The following DKK2 variants were observed in gnomAD, a reference collection of about 807,000 sequenced individuals.
DKK2 encodes dickkopf-related protein 2.
Under a neutral mutation model 28.1 loss-of-function variants are expected in DKK2, and 11 were observed. The observed-to-expected ratio is 0.39, with a 90% CI of 0.25 to 0.65. The LOEUF is 0.65. DKK2 is among the 30% of genes least tolerant of loss of function. The pLI is 0.47. For synonymous variants in DKK2, 135 were observed against 126.5 expected (o/e 1.07, Z -0.45); for missense variants, 326 against 335.5 (o/e 0.97, Z 0.22).
At chr4:107,004,837 A>T (rs1255293867) in intron 1 of DKK2, among the ~76,000 whole-genome samples, 1 of 152,166 alleles carries the variant, frequency 6.6e-6, no homozygotes, top group Non-Finnish European at 1.5e-5. Context: ...AGATGTTGCT[A>T]AGGGAGGAAG....
In DKK2 at chr4:107,035,673, C is replaced by T. The variant is rs116332728; in HGVS notation, c.-82G>A. On this transcript the variant is annotated 5_prime_UTR_variant, in exon 1 of 4. Coordinates refer to ENST00000285311, the MANE Select transcript of DKK2 (RefSeq NM_014421.3). ...GGGAGGGAGGACCCCAACACGGGGCCCCTCACTTGGGTCGCGGGGGCTTGC... is the reference window on the plus strand; with the variant it reads ...GGGAGGGAGGACCCCAACACGGGGCTCCTCACTTGGGTCGCGGGGGCTTGC... 2.5e-3 allele frequency: 3,715 copies of T among 1,488,774 alleles called. 74 individuals carry two copies. The African/African-American group carries it at 0.043, about 17-fold the overall frequency. 92.2% of individuals were successfully genotyped at this position (1,488,774 alleles called of 1,614,324 possible).
intron 1 of DKK2, among the ~76,000 whole-genome samples, chr4:106,930,362 GT>G: frequency 6.6e-6 from 1 of 152,248 alleles, no homozygotes. Flanking sequence ...TACATTTAGG[GT>G]TGAATTAATT....
intron 1 of DKK2, among the ~76,000 whole-genome samples, chr4:106,985,680 G>A (rs1287402295): frequency 6.6e-6 from 1 of 151,614 alleles, no homozygotes; most frequent in Non-Finnish European, 1.5e-5. Context: ...ATGGTGGCGG[G>A]CGCCTGTAAT....
At chr4:107,030,386 T>C (rs547675349) in intron 1 of DKK2, among the ~76,000 whole-genome samples, 2 of 152,176 alleles carry the variant, frequency 1.3e-5, no homozygotes, top group Non-Finnish European at 1.5e-5. Context: ...TTCTGTGTAA[T>C]CTTAAAGCGA....
chr4:106,992,122 C>G (rs1425232901), intron 1 of DKK2, among the ~76,000 whole-genome samples: 1 of 152,126 alleles, frequency 6.6e-6, no homozygotes, highest in Non-Finnish European at 1.5e-5. Flanking sequence ...AAGCTTATAT[C>G]TGGTGAACAG....
chr4:106,936,764 T>C (rs2110342058), intron 1 of DKK2, among the ~76,000 whole-genome samples: 1 of 152,154 alleles, frequency 6.6e-6, no homozygotes, highest in Non-Finnish European at 1.5e-5. Flanking sequence ...TAACAGCGGA[T>C]CTCTCAGCAG....
At chr4:106,947,680 T>TC (rs1334519390) in intron 1 of DKK2, among the ~76,000 whole-genome samples, 2 of 151,444 alleles carry the variant, frequency 1.3e-5, no homozygotes, top group African/African-American at 4.8e-5. Context: ...TCTTTCTTTT[T>TC]TTTTTTTTTT....
At chr4:107,012,694 G>A (rs1723533674) in intron 1 of DKK2, among the ~76,000 whole-genome samples, 1 of 151,226 alleles carries the variant, frequency 6.6e-6, no homozygotes, top group South Asian at 2.1e-4. Context: ...CATTCTCTAA[G>A]GTCCAAGTTC....
intron 1 of DKK2, among the ~76,000 whole-genome samples, chr4:107,034,862 A>G (rs1318488923): frequency 6.6e-6 from 1 of 152,174 alleles, no homozygotes; most frequent in African/African-American, 2.4e-5. Context: ...TGCCACTTAT[A>G]CTAGCTGTGT....
intron 1 of DKK2, among the ~76,000 whole-genome samples, chr4:107,006,051 T>A (rs1022305869): frequency 1.3e-5 from 2 of 152,168 alleles, no homozygotes. Context: ...GGGTAAAAAC[T>A]AATCATTACT....
chr4:106,983,028 GAAGA>G (rs1408772674), intron 1 of DKK2, among the ~76,000 whole-genome samples: 1 of 131,604 alleles, frequency 7.6e-6, no homozygotes, highest in Non-Finnish European at 1.7e-5. Flanking sequence ...AAGGAAGGAA[GAAGA>G]AAGATGAAAG....
At chr4:106,958,222 A>C (rs1286829902) in intron 1 of DKK2, among the ~76,000 whole-genome samples, 1 of 151,626 alleles carries the variant, frequency 6.6e-6, no homozygotes, top group Non-Finnish European at 1.5e-5. Flanking sequence ...TAATAAAAAA[A>C]AGCTATCCCA....
chr4:106,981,256 A>G (rs1038712806), intron 1 of DKK2, among the ~76,000 whole-genome samples: 1 of 152,214 alleles, frequency 6.6e-6, no homozygotes, highest in Non-Finnish European at 1.5e-5. Flanking sequence ...AAAATATTAT[A>G]ATTTCATAAT....
At chr4:106,949,957 G>T (rs1370161408) in intron 1 of DKK2, among the ~76,000 whole-genome samples, 1 of 152,020 alleles carries the variant, frequency 6.6e-6, no homozygotes, top group Non-Finnish European at 1.5e-5. Context: ...AATATTGACT[G>T]TTTCCTCTGT....
At chr4:106,999,341 A>T (rs1458233446) in intron 1 of DKK2, among the ~76,000 whole-genome samples, 1 of 152,140 alleles carries the variant, frequency 6.6e-6, no homozygotes, top group Non-Finnish European at 1.5e-5. Flanking sequence ...ACCAACACAT[A>T]TGTAAATATC....
intron 1 of DKK2, among the ~76,000 whole-genome samples, chr4:107,003,725 T>C (rs969919957): frequency 3.9e-5 from 6 of 152,216 alleles, no homozygotes; most frequent in Non-Finnish European, 4.4e-5. Flanking sequence ...ATATCATCAG[T>C]AGTATAAAAC....
intron 1 of DKK2, among the ~76,000 whole-genome samples, chr4:107,012,543 T>C (rs760895641): frequency 6.6e-6 from 1 of 151,198 alleles, no homozygotes; most frequent in Non-Finnish European, 1.5e-5. Flanking sequence ...GTACTCAAAA[T>C]AGGATATTTT....
At chr4:106,935,954 A>T (rs962825044) in intron 1 of DKK2, among the ~76,000 whole-genome samples, 1 of 152,148 alleles carries the variant, frequency 6.6e-6, no homozygotes, top group Non-Finnish European at 1.5e-5. Context: ...TCCACACCAA[A>T]AACCCATCTG....
intron 1 of DKK2, among the ~76,000 whole-genome samples, chr4:106,984,247 A>T (rs1324945857): frequency 6.6e-6 from 1 of 152,232 alleles, no homozygotes; most frequent in East Asian, 1.9e-4. Flanking sequence ...GTTTTGTTAC[A>T]CTAAGTACAT....
Sources: gnomAD v4.1 joint callset for allele counts (sites outside exome capture counted in the v4.1 genomes callset) on GRCh38, gnomAD v4.1.1 for gene constraint, MANE v1.5 for transcripts, NCBI Gene and HGNC (gene_info 2026-07-23, HGNC 2026-07-21) for gene names.